SOX5: variants seen among roughly 807,000 people sequenced by gnomAD.
SOX5 encodes the protein transcription factor SOX-5.
A neutral mutation model predicts 92.0 loss-of-function variants in SOX5; 9 were observed. The observed-to-expected ratio is 0.10, with a 90% CI of 0.06 to 0.17. SOX5 has a LOEUF of 0.17. SOX5 is among the 10% of genes least tolerant of loss of function. SOX5 has a pLI of 1.00. For missense variants in SOX5, 642 were observed against 944.5 expected (o/e 0.68, Z 4.20); for synonymous variants, 344 against 336.3 (o/e 1.02, Z -0.25).
At chr12:24,431,456 C>T (rs1237155513) in intron 1 of SOX5, among the ~76,000 whole-genome samples, 1 of 152,178 alleles carries the variant, frequency 6.6e-6, no homozygotes, top group African/African-American at 2.4e-5. Flanking sequence ...TGAGTTCAGA[C>T]ATATGCCTAT....
chr12:24,503,920 T>C (rs1359300051), intron 1 of SOX5, among the ~76,000 whole-genome samples: 1 of 152,036 alleles, frequency 6.6e-6, no homozygotes, highest in Non-Finnish European at 1.5e-5. Flanking sequence ...CGTGTATACA[T>C]ATGTAACAAA....
intron 10 of SOX5, among the ~76,000 whole-genome samples, chr12:23,572,456 GAAA>G (rs11350064): frequency 2.0e-5 from 3 of 148,762 alleles, no homozygotes; most frequent in Admixed American, 6.7e-5. Flanking sequence ...GGACTTTTCA[GAAA>G]AAAAAAAAAG....
intron 14 of SOX5, among the ~76,000 whole-genome samples, chr12:23,535,025 A>G (rs942990556): frequency 6.6e-6 from 1 of 152,144 alleles, no homozygotes; most frequent in African/African-American, 2.4e-5. Flanking sequence ...CCTTATGTTT[A>G]GGTAGTGCTT....
chr12:24,314,558 TAC>T (rs1949524619), intron 2 of SOX5, among the ~76,000 whole-genome samples: 1 of 138,878 alleles, frequency 7.2e-6, no homozygotes, highest in African/African-American at 2.5e-5. Flanking sequence ...AGGCTGCTTA[TAC>T]ATAAAAAAAA....
chr12:24,080,983 T>C (rs1251124281), intron 4 of SOX5, among the ~76,000 whole-genome samples: 1 of 152,020 alleles, frequency 6.6e-6, no homozygotes, highest in East Asian at 1.9e-4. Flanking sequence ...GTTAGAATTA[T>C]TTTAGCCTGC....
intron 4 of SOX5, among the ~76,000 whole-genome samples, chr12:23,975,527 G>A (rs189382139): frequency 1.3e-3 from 204 of 152,116 alleles, no homozygotes; most frequent in Admixed American, 2.7e-3. Context: ...TCATTAGTTT[G>A]CATTCCAGAA....
At chr12:24,037,137 G>T (rs766310071) in intron 4 of SOX5, among the ~76,000 whole-genome samples, 1 of 152,092 alleles carries the variant, frequency 6.6e-6, no homozygotes, top group Non-Finnish European at 1.5e-5. Context: ...ATAGGGGGAG[G>T]GGGAGGGAGA....
rs150378950 is a variant in SOX5, at chr12:23,572,133, T to C, written c.1342+3528A>G. ...CATTCTTATAGAATACACTGTAATA[T>C]TGGTCACCAACCTCAAAAAGTCACT... On this transcript the variant is annotated intron_variant, in intron 10 of 14. Transcript: ENST00000451604. Among the ~76,000 whole-genome samples, 252 of 152,322 alleles carry C rather than the reference T, an allele frequency of 1.7e-3. 2 individuals carry two copies. Among genetic ancestry groups the C allele is most frequent in the African/African-American group, 5.4e-3 (224 of 41,588 alleles).
rs555947640 is a variant in SOX5, at chr12:24,463,008, A to G, written c.-250-94369T>C. On this transcript the variant is annotated intron_variant, in intron 1 of 4. Transcript: ENST00000446891. Reference sequence around the variant, plus strand: ...CAAGGCAGAAGGACTGCTTGAACCCAGGAGTTTGAGACCAGCCTGGGTAAC... The same window carrying G: ...CAAGGCAGAAGGACTGCTTGAACCCGGGAGTTTGAGACCAGCCTGGGTAAC... 2.6e-5 allele frequency among the ~76,000 whole-genome samples: 4 copies of G among 152,248 alleles called. No homozygotes were observed. The East Asian group carries it at 7.7e-4, about 29-fold the overall frequency.
intron 3 of SOX5, among the ~76,000 whole-genome samples, chr12:23,834,101 C>G (rs186825845): frequency 6.6e-6 from 1 of 151,834 alleles, no homozygotes; most frequent in African/African-American, 2.4e-5. Flanking sequence ...TAGACTGACT[C>G]GAATTCTGAC....
At position 24,028,457 on chromosome 12, in the gene SOX5, C is replaced by T. The variant is rs527725720; in HGVS notation, c.-1-132433G>A. On this transcript the variant is annotated intron_variant, in intron 4 of 4. Transcript: ENST00000446891. The stretch of plus-strand genomic sequence containing the variant: ...TTCCTTTAAACTAAAATTTGGACAA[C>T]AGAAAACCATATATTGATTGTCCCA... 1.4e-4 allele frequency among the ~76,000 whole-genome samples: 21 copies of T among 152,038 alleles called. 1 individual carries two copies. Among genetic ancestry groups the T allele is most frequent in the African/African-American group, 4.1e-4 (17 of 41,520 alleles).
intron 6 of SOX5, among the ~76,000 whole-genome samples, chr12:23,693,976 A>G (rs1225379474): frequency 2.6e-5 from 4 of 152,176 alleles, no homozygotes; most frequent in Non-Finnish European, 5.9e-5. Context: ...TTATTTTGGC[A>G]GTAAGCTAGT....
chr12:24,500,791 A>G (rs1948118205), intron 1 of SOX5, among the ~76,000 whole-genome samples: 1 of 152,180 alleles, frequency 6.6e-6, no homozygotes, highest in Non-Finnish European at 1.5e-5. Flanking sequence ...ACAAATATAA[A>G]CCGGCATTTT....
rs1939307789 is a variant in SOX5 at position 23,532,493 on chromosome 12, G to C, written c.*1726C>G. The stretch of plus-strand genomic sequence containing the variant: ...AATGATTTTGCATTTATTTGTACAG[G>C]CCCTACAACTGCCTTGGCATTTGGC... On this transcript the variant is annotated 3_prime_UTR_variant, in exon 15 of 15. Transcript: ENST00000451604. 6.6e-6 allele frequency: 1 copy of C among 152,178 alleles called. No homozygotes were observed. Among genetic ancestry groups the C allele is most frequent in the African/African-American group, 2.4e-5 (1 of 41,452 alleles). The allele number at this position is 152,178 out of a possible 1,614,324, so 9.4% of individuals were successfully genotyped here.
intron 4 of SOX5, among the ~76,000 whole-genome samples, chr12:24,094,995 C>A (rs942036912): frequency 2.0e-5 from 3 of 152,012 alleles, no homozygotes; most frequent in Non-Finnish European, 4.4e-5. Flanking sequence ...TGTACAAGTA[C>A]ATCTTATCCT....
chr12:23,534,250 C>A lies in SOX5; in HGVS notation c.2261G>T (p.Ser754Ile), dbSNP rs1396416818. 1 of 1,614,164 alleles carries A rather than the reference C, an allele frequency of 6.2e-7. No homozygotes were observed. The highest frequency in any genetic ancestry group is 8.5e-7 in the Non-Finnish European group (1 of 1,179,986). ...GGCTTGTCCTGCAATATGGTTTTCACTGTCACTCCCATAATCTACATCTGG... is the reference window on the plus strand; with the variant it reads ...GGCTTGTCCTGCAATATGGTTTTCAATGTCACTCCCATAATCTACATCTGG... ...DDPDVDYGSD[S>I]ENHIAGQAN The change falls in exon 15 of 15, where the codon AGT (serine) becomes ATT (isoleucine). Residue 754 changes from serine to isoleucine, a missense_variant. By Grantham distance (142) the Ser-to-Ile change is moderately radical. This residue lies in a region of SOX5 where 130 missense variants were observed against 140.6 expected (regional missense o/e 0.92). Coordinates refer to ENST00000451604, the MANE Select transcript of SOX5 (RefSeq NM_006940.6).
At chr12:23,927,667 T>C (rs960866926) in intron 1 of SOX5, among the ~76,000 whole-genome samples, 16 of 149,396 alleles carry the variant, frequency 1.1e-4, no homozygotes, top group Admixed American at 4.7e-4. Context: ...TATAACATCA[T>C]TTTTTTTTTC....
At chr12:24,493,199 T>A (rs1163519032) in intron 1 of SOX5, among the ~76,000 whole-genome samples, 1 of 152,180 alleles carries the variant, frequency 6.6e-6, no homozygotes, top group East Asian at 1.9e-4. Context: ...CAAAAGTCTC[T>A]TACCAGTTTT....
At chr12:23,848,400 G>C (rs1263964918) in intron 2 of SOX5, among the ~76,000 whole-genome samples, 2 of 152,134 alleles carry the variant, frequency 1.3e-5, no homozygotes, top group Non-Finnish European at 2.9e-5. Flanking sequence ...AGTTGCTGCA[G>C]CAGTATAAAA....
Sources: allele counts gnomAD v4.1 joint callset (sites outside exome capture counted in the v4.1 genomes callset), GRCh38; gene constraint gnomAD v4.1.1; regional missense constraint gnomAD v4.1.1; transcripts MANE v1.5; gene names NCBI Gene and HGNC (gene_info 2026-07-23, HGNC 2026-07-21).